GALNT5: variants seen among roughly 807,000 people sequenced by gnomAD.
GALNT5 encodes the protein UDP-GalNAc:polypeptide N-acetylgalactosaminyltransferase 5.
Under a neutral mutation model 85.4 loss-of-function variants are expected in GALNT5, and 72 were observed. The observed-to-expected ratio is 0.84, with a 90% CI of 0.70 to 1.03. The LOEUF (loss-of-function observed/expected upper bound fraction) is 1.03, where lower values mean the gene tolerates loss of function less well. Among genes scored for constraint, GALNT5 ranks in the 50% least tolerant of loss-of-function variants. The pLI, the probability that GALNT5 is intolerant of heterozygous loss-of-function variation, is 0.00. For missense variants in GALNT5, 1,137 were observed against 1,135.5 expected, an observed-to-expected ratio of 1.00 and a Z score of -0.02; for synonymous variants, 404 against 397.0, an observed-to-expected ratio of 1.02 and a Z score of -0.21.
chr2:157,259,557 C>G lies in GALNT5; in HGVS notation c.1454+21C>G, dbSNP rs539480733. ...GCTGGGTAAGACCTATTTCTCTTCT[C>G]TTTCCTCAACCCCAAGTGCTTTGGC... On this transcript the variant is annotated intron_variant, in intron 1 of 9. Coordinates refer to ENST00000259056, the MANE Select transcript of GALNT5 (RefSeq NM_014568.3). 3 of 1,313,666 alleles carry G rather than the reference C, an allele frequency of 2.3e-6. No homozygotes were observed. The East Asian group carries it at 8.4e-5, about 37-fold the overall frequency. 81.4% of individuals were successfully genotyped at this position (1,313,666 alleles called of 1,614,324 possible).
chr2:157,299,387 C>T (rs1034944548), intron 5 of GALNT5, among the ~76,000 whole-genome samples, 161 bp from the exon 6 acceptor site: 2 of 152,180 alleles, frequency 1.3e-5, no homozygotes, highest in African/African-American at 4.8e-5. Flanking sequence ...CCAGGGATCG[C>T]ATCACTTAAG....
At chr2:157,290,458 T>A (rs986744589) in intron 3 of GALNT5, among the ~76,000 whole-genome samples, 1 of 152,112 alleles carries the variant, frequency 6.6e-6, no homozygotes, top group Admixed American at 6.5e-5. Flanking sequence ...GAGACTGGCA[T>A]TGAGCAGAGA....
chr2:157,308,597 C>G lies in GALNT5; in HGVS notation c.2551C>G (p.Leu851Val). The change falls in exon 9 of 10, where the codon CTT (leucine) becomes GTT (valine). Residue 851 changes from leucine to valine, a missense_variant. Leu to Val is a conservative substitution (Grantham distance 32). Transcript: ENST00000259056. ...ACAATTTAATTACACCTGGTTAAGA[C>G]TTATTAAATGTGGAGAATGGTGTAT... is the stretch of plus-strand genomic sequence containing the variant. Reference protein sequence around the residue: ...LQQFNYTWLRLIKCGEWCIAP... With the variant: ...LQQFNYTWLRVIKCGEWCIAP... 6.2e-7 allele frequency: 1 copy of G among 1,613,276 alleles called. No individual in the cohort carries two copies. Among genetic ancestry groups the G allele is most frequent in the Non-Finnish European group, 8.5e-7 (1 of 1,179,622 alleles).
At chr2:157,262,786 A>G (rs1574009851) in intron 1 of GALNT5, among the ~76,000 whole-genome samples, 1 of 139,672 alleles carries the variant, frequency 7.2e-6, no homozygotes, top group South Asian at 2.3e-4. Flanking sequence ...CCAAAGGACC[A>G]TTGCTAAAAT....
At chr2:157,308,464 ATCATAG>A in intron 8 of GALNT5, 97 bp from the exon 9 acceptor site, 1 of 778,552 alleles carries the variant, frequency 1.3e-6, no homozygotes, top group Non-Finnish European at 2.1e-6. Context: ...AAAATGTCAG[ATCATAG>A]TTCCTATATT....
At chr2:157,274,580 T>G (rs1263896477) in intron 1 of GALNT5, among the ~76,000 whole-genome samples, 2 of 152,228 alleles carry the variant, frequency 1.3e-5, no homozygotes, top group African/African-American at 4.8e-5. Context: ...TGATGACCAG[T>G]GATGATGAGT....
At chr2:157,260,315 G>A (rs917365783) in intron 1 of GALNT5, among the ~76,000 whole-genome samples, 7 of 152,224 alleles carry the variant, frequency 4.6e-5, no homozygotes, top group Admixed American at 1.3e-4. Context: ...ACAAGCTGGC[G>A]AGGGCGCTCA....
intron 1 of GALNT5, among the ~76,000 whole-genome samples, chr2:157,282,510 T>C (rs1682877732): frequency 6.6e-6 from 1 of 152,220 alleles, no homozygotes; most frequent in East Asian, 1.9e-4. Context: ...ATTGAAATTA[T>C]GAAGCACAGC....
chr2:157,262,819 C>CTTTTTTTT (rs535380585), intron 1 of GALNT5, among the ~76,000 whole-genome samples: 1 of 100,946 alleles, frequency 9.9e-6, no homozygotes, highest in African/African-American at 4.7e-5. Flanking sequence ...TTTCACAACT[C>CTTTTTTTT]TTTTTTTTTT....
intron 1 of GALNT5, among the ~76,000 whole-genome samples, chr2:157,278,430 C>G (rs951720058): frequency 6.6e-6 from 1 of 152,160 alleles, no homozygotes; most frequent in African/African-American, 2.4e-5. Flanking sequence ...TTCCATTCTC[C>G]CCATCACTTT....
chr2:157,286,119 G>C lies in GALNT5; in HGVS notation c.1726G>C (p.Ala576Pro). ...HGLIRARLAGAQNATGDVLTF... is the reference protein window; with the variant it reads ...HGLIRARLAGPQNATGDVLTF... ...CTTAATAAGGGCCAGGCTGGCAGGA[G>C]CACAGAATGCAACAGGTAAGAAGTT... The change falls in exon 3 of 10, where the codon GCA (alanine) becomes CCA (proline). Residue 576 changes from alanine to proline, a missense_variant. Coordinates refer to ENST00000259056, the MANE Select transcript of GALNT5 (RefSeq NM_014568.3). The C allele has an allele frequency of 6.2e-7, 1 of 1,613,276 alleles. No individual in the cohort carries two copies.
chr2:157,285,949 C>A (rs1682959988), intron 2 of GALNT5, 66 bp from the exon 3 acceptor site: 2 of 1,168,554 alleles, frequency 1.7e-6, no homozygotes, highest in South Asian at 2.8e-5. Context: ...CTTTGGGGAG[C>A]ACTTCTGATA....
At chr2:157,278,761 T>A (rs553014028) in intron 1 of GALNT5, among the ~76,000 whole-genome samples, 2 of 152,334 alleles carry the variant, frequency 1.3e-5, no homozygotes, top group East Asian at 3.9e-4. Flanking sequence ...GGTTTAAACA[T>A]GCTCCTTTAG....
intron 3 of GALNT5, among the ~76,000 whole-genome samples, chr2:157,290,112 T>TATATATATATATATATACACACACAC (rs1416458086): frequency 2.2e-5 from 3 of 138,258 alleles, no homozygotes; most frequent in East Asian, 2.1e-4. Flanking sequence ...TATATATATA[T>TATATATATATATATATACACACACAC]ACATACACAA....
chr2:157,291,642 C>CCG (rs397735658), intron 3 of GALNT5, among the ~76,000 whole-genome samples: 1 of 145,266 alleles, frequency 6.9e-6, no homozygotes, highest in Admixed American at 6.9e-5. Context: ...CACCCCCCCC[C>CCG]AGATTTTTAA....
intron 1 of GALNT5, among the ~76,000 whole-genome samples, chr2:157,273,294 CCTCTAATTGTT>C (rs1682632764): frequency 6.6e-6 from 1 of 152,052 alleles, no homozygotes; most frequent in African/African-American, 2.4e-5. Flanking sequence ...CCAAAATTGT[CCTCTAATTGTT>C]GGAATTGTTG....
intron 8 of GALNT5, among the ~76,000 whole-genome samples, chr2:157,306,565 A>C (rs1683459688): frequency 6.6e-6 from 1 of 152,202 alleles, no homozygotes; most frequent in African/African-American, 2.4e-5. Context: ...GTGTTTGTGG[A>C]AACAGTTATT....
Position 157,316,125 on chromosome 2 carries a change from C to T in GALNT5, c.*4777C>T, listed in dbSNP as rs1346013170. On this transcript the variant is annotated 3_prime_UTR_variant, in exon 10 of 10. Transcript: ENST00000259056. ...GTCACCATGACATTTGCACACGTGG[C>T]TTCACTTCACCAGTGCCATGTCACC... Among the ~76,000 whole-genome samples, 2 of 152,066 alleles carry T rather than the reference C, an allele frequency of 1.3e-5. No homozygotes were observed. Among genetic ancestry groups the T allele is most frequent in the Non-Finnish European group, 2.9e-5 (2 of 68,018 alleles).
intron 9 of GALNT5, among the ~76,000 whole-genome samples, chr2:157,309,581 AGTAAATAT>A (rs1489789620): frequency 1.3e-5 from 2 of 152,200 alleles, no homozygotes; most frequent in Non-Finnish European, 2.9e-5. Flanking sequence ...TACTGTCTAC[AGTAAATAT>A]TTGGGTATTT....
Sources: gnomAD v4.1 joint callset for allele counts (sites outside exome capture counted in the v4.1 genomes callset) on GRCh38, gnomAD v4.1.1 for gene constraint, MANE v1.5 for transcripts, NCBI Gene and HGNC (gene_info 2026-07-23, HGNC 2026-07-21) for gene names.